Variants in NR5A2 observed in about 807,000 individuals in gnomAD.
The protein encoded by NR5A2 is nuclear receptor subfamily 5 group A member 2.
Under a neutral mutation model 62.7 loss-of-function variants are expected in NR5A2, and 26 were observed. That is an observed-to-expected ratio of 0.41 (90% CI 0.30 to 0.58). The LOEUF (loss-of-function observed/expected upper bound fraction) is 0.58. NR5A2 is among the 20% of genes least tolerant of loss of function. NR5A2 has a pLI of 0.22. For missense variants in NR5A2, 541 were observed against 669.1 expected (o/e 0.81, Z 2.11); for synonymous variants, 246 against 241.7 (o/e 1.02, Z -0.16).
At chr1:200,036,713 A>G (rs1353663566) in intron 1 of NR5A2, among the ~76,000 whole-genome samples, 2 of 152,056 alleles carry the variant, frequency 1.3e-5, no homozygotes, top group African/African-American at 2.4e-5. Flanking sequence ...AGCGTTTCCC[A>G]TCGTCGAGTT....
chr1:200,043,555 G>T (rs541621929), intron 2 of NR5A2, among the ~76,000 whole-genome samples: 4 of 152,336 alleles, frequency 2.6e-5, no homozygotes, highest in African/African-American at 9.6e-5. Context: ...AGTTGGAATT[G>T]TTTGTGGCAC....
At chr1:200,043,133 C>A (rs1395068324) in intron 2 of NR5A2, 3 of 433,140 alleles carry the variant, frequency 6.9e-6, no homozygotes, top group African/African-American at 2.2e-5. Flanking sequence ...GATTTTCAAA[C>A]GTAAGGAGAT....
chr1:200,043,060 CT>C, intron 2 of NR5A2: 1 of 945,854 alleles, frequency 1.1e-6, no homozygotes, highest in African/African-American at 1.8e-5. Flanking sequence ...GTCTTTTACT[CT>C]TCTGGTATTT....
At chr1:200,089,964 A>G (rs1664741484) in intron 5 of NR5A2, among the ~76,000 whole-genome samples, 3 of 152,228 alleles carry the variant, frequency 2.0e-5, no homozygotes, top group Admixed American at 2.0e-4. Context: ...TGATTTGACT[A>G]GTCTAAATGT....
intron 5 of NR5A2, among the ~76,000 whole-genome samples, chr1:200,101,476 A>G (rs761884487): frequency 2.0e-5 from 3 of 152,204 alleles, no homozygotes; most frequent in Admixed American, 6.5e-5. Flanking sequence ...CAACTTCATG[A>G]AAGAGTCACC....
chr1:200,082,520 G>GA (rs1015076009), intron 5 of NR5A2, among the ~76,000 whole-genome samples: 3 of 151,892 alleles, frequency 2.0e-5, no homozygotes, highest in Non-Finnish European at 2.9e-5. Flanking sequence ...GAGTCAAACC[G>GA]AAAAAAATGT....
chr1:200,035,704 G>A (rs1409994178), intron 1 of NR5A2, among the ~76,000 whole-genome samples: 1 of 152,166 alleles, frequency 6.6e-6, no homozygotes, highest in Admixed American at 6.5e-5. Flanking sequence ...AAGGCTGCGG[G>A]AGCCTCCCCG....
chr1:200,034,813 TTA>T (rs1661701039), intron 1 of NR5A2, among the ~76,000 whole-genome samples: 1 of 101,548 alleles, frequency 9.8e-6, no homozygotes, highest in Non-Finnish European at 2.0e-5. Context: ...TTTTTTTTTT[TTA>T]AACAAGGCAC....
At chr1:200,088,482 C>T (rs770252236) in intron 5 of NR5A2, among the ~76,000 whole-genome samples, 33 of 152,022 alleles carry the variant, frequency 2.2e-4, no homozygotes, top group Admixed American at 9.2e-4. Flanking sequence ...GTCTTGAACT[C>T]CCGACCTCAG....
At chr1:200,118,009 T>A (rs1297446752) in intron 6 of NR5A2, among the ~76,000 whole-genome samples, 1 of 134,072 alleles carries the variant, frequency 7.5e-6, no homozygotes, top group Non-Finnish European at 1.6e-5. Flanking sequence ...CCGCCGCACC[T>A]CGCCTTTTTC....
chr1:200,145,468 TTGTGTGTGTGTG>T (rs66885184), intron 7 of NR5A2, among the ~76,000 whole-genome samples: 5,363 of 142,184 alleles, frequency 0.038, 210 homozygotes, highest in African/African-American at 0.098. Flanking sequence ...TTGATAGAAT[TTGTGTGTGTGTG>T]TGTGTGTGTG....
chr1:200,168,434 C>T (rs1264306962), intron 7 of NR5A2, among the ~76,000 whole-genome samples: 1 of 152,086 alleles, frequency 6.6e-6, no homozygotes, highest in Middle Eastern at 3.2e-3. Flanking sequence ...CTAGGCTGGT[C>T]TCAAACTCCT....
intron 7 of NR5A2, among the ~76,000 whole-genome samples, chr1:200,150,411 C>G (rs1178902831): frequency 6.6e-6 from 1 of 152,194 alleles, no homozygotes; most frequent in Non-Finnish European, 1.5e-5. Flanking sequence ...TGCCTCTATG[C>G]TACAACAGTA....
intron 6 of NR5A2, among the ~76,000 whole-genome samples, chr1:200,115,587 G>A (rs1440331590): frequency 6.6e-6 from 1 of 152,136 alleles, no homozygotes; most frequent in Non-Finnish European, 1.5e-5. Flanking sequence ...GGAAATCAAA[G>A]ATGTAAGGGG....
chr1:200,148,926 T>TC (rs397933409), intron 7 of NR5A2, among the ~76,000 whole-genome samples: 1 of 147,114 alleles, frequency 6.8e-6, no homozygotes, highest in Non-Finnish European at 1.5e-5. Flanking sequence ...TTTTTTTTTT[T>TC]CCTTTGAAAC....
At chr1:200,129,471 C>G (rs999979892) in intron 7 of NR5A2, among the ~76,000 whole-genome samples, 6 of 152,330 alleles carry the variant, frequency 3.9e-5, no homozygotes, top group Non-Finnish European at 7.3e-5. Flanking sequence ...TTCTCCTTGT[C>G]TGTTTTTCTT....
intron 5 of NR5A2, among the ~76,000 whole-genome samples, chr1:200,095,591 C>T (rs908997005): frequency 2.0e-5 from 3 of 151,248 alleles, no homozygotes; most frequent in East Asian, 2.0e-4. Flanking sequence ...CTCACACTCT[C>T]GCCCAGGCTG....
At chr1:200,065,341 A>C (rs1030686083) in intron 5 of NR5A2, among the ~76,000 whole-genome samples, 1 of 150,804 alleles carries the variant, frequency 6.6e-6, no homozygotes, top group Non-Finnish European at 1.5e-5. Flanking sequence ...ACAGGGTTTC[A>C]CCATGTTAGC....
intron 7 of NR5A2, among the ~76,000 whole-genome samples, chr1:200,142,185 CTTCTTT>C (rs1218268069): frequency 3.8e-4 from 33 of 86,614 alleles, no homozygotes; most frequent in African/African-American, 1.2e-3. Flanking sequence ...GTTTTAAAGA[CTTCTTT>C]TTTTTTTTTT....
Sources: gnomAD v4.1 joint callset for allele counts (sites outside exome capture counted in the v4.1 genomes callset) on GRCh38, gnomAD v4.1.1 for gene constraint, MANE v1.5 for transcripts, NCBI Gene and HGNC (gene_info 2026-07-23, HGNC 2026-07-21) for gene names.